IMMP2L: variants seen among roughly 807,000 people sequenced by gnomAD.
IMMP2L encodes inner mitochondrial membrane peptidase subunit 2.
IMMP2L carries 18 observed loss-of-function variants against 19.3 expected under a neutral mutation model. The ratio of observed to expected loss-of-function variants is 0.93; its 90% CI spans 0.64 to 1.38. The LOEUF is 1.38. Among genes scored for constraint, IMMP2L ranks in the 40% most tolerant of loss-of-function variants. The pLI, the probability that IMMP2L is intolerant of heterozygous loss-of-function variation, is 0.00. For synonymous variants in IMMP2L, 76 were observed against 73.0 expected, an observed-to-expected ratio of 1.04 and a Z score of -0.21; for missense variants, 233 against 218.2, an observed-to-expected ratio of 1.07 and a Z score of -0.43.
intron 3 of IMMP2L, among the ~76,000 whole-genome samples, chr7:111,151,434 T>C (rs1452602135): frequency 2.0e-5 from 3 of 151,896 alleles, no homozygotes; most frequent in Non-Finnish European, 2.9e-5. Context: ...AAATAAATTG[T>C]AATGAGAGAG....
chr7:111,454,645 T>C (rs1839527833), intron 3 of IMMP2L, among the ~76,000 whole-genome samples: 1 of 152,070 alleles, frequency 6.6e-6, no homozygotes. Flanking sequence ...TATTAAGAAT[T>C]ATTGAGATAA....
chr7:110,849,319 A>T (rs2131513636), intron 5 of IMMP2L, among the ~76,000 whole-genome samples: 1 of 152,270 alleles, frequency 6.6e-6, no homozygotes, highest in Non-Finnish European at 1.5e-5. Flanking sequence ...CAAGAAATGA[A>T]CAGAAATCAT....
intron 3 of IMMP2L, among the ~76,000 whole-genome samples, chr7:111,025,557 C>T (rs969457578): frequency 6.6e-6 from 1 of 152,014 alleles, no homozygotes; most frequent in Non-Finnish European, 1.5e-5. Context: ...AAAGGCAGAG[C>T]AATGAAGCCC....
intron 5 of IMMP2L, among the ~76,000 whole-genome samples, chr7:110,675,620 T>G (rs944098733): frequency 6.6e-6 from 1 of 152,348 alleles, no homozygotes; most frequent in East Asian, 1.9e-4. Flanking sequence ...GTTTGTGTGG[T>G]TAGGTCAGCA....
rs2130524103 is a variant in IMMP2L at position 111,322,813 on chromosome 7, T to G, written c.239+164425A>C. Among the ~76,000 whole-genome samples, 4 of 151,688 alleles carry G rather than the reference T, an allele frequency of 2.6e-5. 1 individual carries two copies. The Middle Eastern group carries it at 0.01, about 387-fold the overall frequency. On this transcript the variant is annotated intron_variant, in intron 3 of 5. Coordinates refer to ENST00000405709, the MANE Select transcript of IMMP2L (RefSeq NM_032549.4). ...GGTAAAAGCACTTCTCCAAAGAAAA[T>G]CCATAGCATTAAATACTTACATATT...
chr7:110,675,200 C>T (rs1391467435), intron 5 of IMMP2L, among the ~76,000 whole-genome samples: 1 of 152,134 alleles, frequency 6.6e-6, no homozygotes, highest in African/African-American at 2.4e-5. Context: ...GAGTATAAGG[C>T]TAGTGAGGTA....
chr7:111,118,630 TAAGAA>T (rs1285763655), intron 3 of IMMP2L, among the ~76,000 whole-genome samples: 1 of 152,072 alleles, frequency 6.6e-6, no homozygotes, highest in Non-Finnish European at 1.5e-5. Flanking sequence ...TAATAATGAA[TAAGAA>T]AAGGCTTTGA....
chr7:111,420,333 C>T (rs905215431), intron 3 of IMMP2L, among the ~76,000 whole-genome samples: 1 of 151,660 alleles, frequency 6.6e-6, no homozygotes, highest in East Asian at 1.9e-4. Context: ...AAAGAAATTC[C>T]GAACTTCTCT....
intron 5 of IMMP2L, among the ~76,000 whole-genome samples, chr7:110,820,006 C>G (rs572516374): frequency 4.9e-4 from 75 of 152,088 alleles, no homozygotes; most frequent in African/African-American, 1.8e-3. Context: ...GACAATCTAG[C>G]AACTCTTTAT....
At chr7:111,021,645 G>A (rs1826286298) in intron 3 of IMMP2L, among the ~76,000 whole-genome samples, 1 of 152,218 alleles carries the variant, frequency 6.6e-6, no homozygotes, top group South Asian at 2.1e-4. Context: ...CACTTTTGGA[G>A]GCCAAGGTGG....
At chr7:111,080,423 T>C (rs1296853120) in intron 3 of IMMP2L, among the ~76,000 whole-genome samples, 4 of 151,698 alleles carry the variant, frequency 2.6e-5, no homozygotes, top group East Asian at 1.9e-4. Context: ...TATATACTTA[T>C]ATACACATGT....
intron 3 of IMMP2L, among the ~76,000 whole-genome samples, chr7:111,460,975 C>A (rs1840085610): frequency 6.7e-6 from 1 of 149,674 alleles, no homozygotes; most frequent in Non-Finnish European, 1.5e-5. Flanking sequence ...CATGCTTAAC[C>A]ATCTTATTCA....
At chr7:111,026,911 C>T (rs1231190439) in intron 3 of IMMP2L, among the ~76,000 whole-genome samples, 1 of 151,940 alleles carries the variant, frequency 6.6e-6, no homozygotes, top group African/African-American at 2.4e-5. Flanking sequence ...TCAGAGATGC[C>T]TCTTGAGCTA....
At chr7:111,128,330 T>C (rs958631787) in intron 3 of IMMP2L, among the ~76,000 whole-genome samples, 4 of 152,212 alleles carry the variant, frequency 2.6e-5, no homozygotes, top group Admixed American at 6.5e-5. Flanking sequence ...GTTAACTGTG[T>C]AATTTGGTAA....
At chr7:111,498,058 T>A (rs1843761544) in intron 2 of IMMP2L, among the ~76,000 whole-genome samples, 1 of 152,006 alleles carries the variant, frequency 6.6e-6, no homozygotes, top group Non-Finnish European at 1.5e-5. Flanking sequence ...GGGGAAAGCA[T>A]CTGATTTTTA....
chr7:110,732,188 C>A (rs185610795), intron 5 of IMMP2L, among the ~76,000 whole-genome samples: 308 of 152,212 alleles, frequency 2.0e-3, no homozygotes, highest in African/African-American at 7.1e-3. Flanking sequence ...AGAGAGGGAG[C>A]TGAAGAGGCA....
At chr7:111,510,362 G>T (rs923170209) in intron 2 of IMMP2L, among the ~76,000 whole-genome samples, 1 of 151,982 alleles carries the variant, frequency 6.6e-6, no homozygotes, top group South Asian at 2.1e-4. Flanking sequence ...ATCCTCTGCT[G>T]TATTGTATTA....
intron 5 of IMMP2L, among the ~76,000 whole-genome samples, chr7:110,864,953 T>G (rs1807830410): frequency 6.6e-6 from 1 of 152,070 alleles, no homozygotes; most frequent in Admixed American, 6.6e-5. Flanking sequence ...TTTAAGTGGC[T>G]ATGCTCCATT....
intron 3 of IMMP2L, among the ~76,000 whole-genome samples, chr7:111,190,552 A>G (rs1808752232): frequency 6.6e-6 from 1 of 152,138 alleles, no homozygotes; most frequent in African/African-American, 2.4e-5. Context: ...AAGGTAGAGA[A>G]AAGTGGTTAA....
Sources: allele counts gnomAD v4.1 joint callset (sites outside exome capture counted in the v4.1 genomes callset), GRCh38; gene constraint gnomAD v4.1.1; transcripts MANE v1.5; gene names NCBI Gene and HGNC (gene_info 2026-07-23, HGNC 2026-07-21).